Variants in ROR1 observed in about 807,000 individuals in gnomAD.
ROR1 encodes ROR family WNT receptor 1.
ROR1 carries 19 observed loss-of-function variants against 78.8 expected under a neutral mutation model. The observed-to-expected ratio is 0.24, with a 90% CI of 0.17 to 0.35. The LOEUF is 0.35. ROR1 is among the 10% of genes least tolerant of loss of function. The probability of loss-of-function intolerance (pLI) is 1.00; values close to 1 mark genes in which losing one functional copy is unlikely to be tolerated. For synonymous variants in ROR1, 386 were observed against 433.6 expected, an observed-to-expected ratio of 0.89 and a Z score of 1.36; for missense variants, 917 against 1,177.8, an observed-to-expected ratio of 0.78 and a Z score of 3.24.
In ROR1 at chr1:64,178,248, G is replaced by T; in HGVS notation, c.2207G>T (p.Arg736Ile). The T allele has an allele frequency of 6.2e-7, 1 of 1,614,096 alleles. No individual in the cohort carries two copies. The part of the protein sequence containing the change: ...TECWNEIPSR[R>I]PRFKDIHVRL... The stretch of plus-strand genomic sequence containing the variant: ...TGCTGGAATGAGATTCCTTCTAGGA[G>T]ACCAAGATTTAAAGATATTCACGTC... The change falls in exon 9 of 9, where the codon AGA becomes ATA. Residue 736 changes from arginine (R) to isoleucine (I), a missense_variant. This residue lies in a region of ROR1 where 835 missense variants were observed against 1,069.8 expected (regional missense o/e 0.78). Coordinates refer to ENST00000371079, the MANE Select transcript of ROR1 (RefSeq NM_005012.4). The surrounding 1 kb of genome is among the most constrained non-coding windows in gnomAD (Gnocchi z 4.3).
intron 4 of ROR1, among the ~76,000 whole-genome samples, chr1:64,092,919 C>A (rs1647214178): frequency 6.6e-6 from 1 of 152,174 alleles, no homozygotes; most frequent in African/African-American, 2.4e-5. Context: ...TGAATATCTT[C>A]TGTTTAGACT....
At chr1:64,159,941 A>G (rs891629130) in intron 8 of ROR1, among the ~76,000 whole-genome samples, 4 of 152,198 alleles carry the variant, frequency 2.6e-5, no homozygotes, top group African/African-American at 9.6e-5. Flanking sequence ...CCTGCACTGC[A>G]TCTTGGAACT....
intron 1 of ROR1, among the ~76,000 whole-genome samples, chr1:63,829,966 G>C (rs1191742496): frequency 6.6e-6 from 1 of 151,918 alleles, no homozygotes; most frequent in Non-Finnish European, 1.5e-5. Context: ...CATGAAATTA[G>C]CTTAAATTCT....
At chr1:63,837,847 G>C (rs745397106) in intron 1 of ROR1, among the ~76,000 whole-genome samples, 5 of 152,184 alleles carry the variant, frequency 3.3e-5, no homozygotes, top group Non-Finnish European at 7.3e-5. Context: ...GTATGTAATT[G>C]TGTATGAGCT....
intron 4 of ROR1, among the ~76,000 whole-genome samples, chr1:64,112,960 G>A (rs1557658295): frequency 6.6e-6 from 1 of 152,266 alleles, no homozygotes; most frequent in East Asian, 1.9e-4. Context: ...TTGCACAGTA[G>A]CCAGTACATA....
intron 1 of ROR1, among the ~76,000 whole-genome samples, chr1:63,880,236 A>G (rs924520664): frequency 2.6e-5 from 4 of 152,244 alleles, no homozygotes; most frequent in African/African-American, 7.2e-5. Flanking sequence ...AATGTTAGCT[A>G]TTAGTATTGC....
chr1:64,013,723 G>C (rs142242247), intron 2 of ROR1, among the ~76,000 whole-genome samples: 2 of 152,184 alleles, frequency 1.3e-5, no homozygotes. Flanking sequence ...CATCAACAGT[G>C]CTCCAAATTA....
At chr1:63,969,472 C>T (rs1331662014) in intron 1 of ROR1, among the ~76,000 whole-genome samples, 1 of 152,106 alleles carries the variant, frequency 6.6e-6, no homozygotes, top group African/African-American at 2.4e-5. Flanking sequence ...GGACTCATAG[C>T]ACTGGTAGTC....
chr1:64,042,192 G>A (rs1187791702), intron 2 of ROR1, among the ~76,000 whole-genome samples: 1 of 152,170 alleles, frequency 6.6e-6, no homozygotes, highest in East Asian at 1.9e-4. Context: ...ATCATTTGGA[G>A]AAGGGCTTTT....
intron 4 of ROR1, among the ~76,000 whole-genome samples, chr1:64,129,380 A>G (rs1648833183): frequency 6.6e-6 from 1 of 152,258 alleles, no homozygotes. Flanking sequence ...AAATCTGCCT[A>G]GATTGGTATG....
intron 1 of ROR1, among the ~76,000 whole-genome samples, chr1:63,873,381 C>G (rs1416364879): frequency 6.6e-6 from 1 of 152,080 alleles, no homozygotes; most frequent in Non-Finnish European, 1.5e-5. Context: ...TATCTCCCAC[C>G]CCACTCCTCC....
At chr1:64,101,298 G>A (rs1459558133) in intron 4 of ROR1, among the ~76,000 whole-genome samples, 3 of 152,104 alleles carry the variant, frequency 2.0e-5, no homozygotes, top group African/African-American at 7.2e-5. Flanking sequence ...GGGAGTCTCT[G>A]TTCACCATGG....
chr1:63,914,246 C>T (rs1338032002), intron 1 of ROR1, among the ~76,000 whole-genome samples: 1 of 152,222 alleles, frequency 6.6e-6, no homozygotes, highest in African/African-American at 2.4e-5. Flanking sequence ...AACAGGCTTT[C>T]TAGCTGTGAC....
intron 1 of ROR1, among the ~76,000 whole-genome samples, chr1:63,970,260 T>A (rs1315471259): frequency 6.6e-6 from 1 of 152,118 alleles, no homozygotes; most frequent in Admixed American, 6.6e-5. Flanking sequence ...CACTGCTTGG[T>A]CTCCTTGCTA....
At chr1:63,875,783 C>T (rs1054695503) in intron 1 of ROR1, among the ~76,000 whole-genome samples, 7 of 152,148 alleles carry the variant, frequency 4.6e-5, no homozygotes, top group African/African-American at 1.7e-4. Flanking sequence ...TTGATCACTT[C>T]TCTCCTCATT....
intron 4 of ROR1, among the ~76,000 whole-genome samples, chr1:64,086,070 C>T (rs1647150269): frequency 6.6e-6 from 1 of 152,214 alleles, no homozygotes; most frequent in Non-Finnish European, 1.5e-5. Context: ...CTCCTTTCCA[C>T]CTGTCCAAAT....
intron 2 of ROR1, among the ~76,000 whole-genome samples, chr1:64,025,397 G>A (rs1646599767): frequency 6.6e-6 from 1 of 152,128 alleles, no homozygotes; most frequent in African/African-American, 2.4e-5. Context: ...ACAGCATGGA[G>A]ATTCCTTAAA....
chr1:63,975,299 A>G (rs1646150709), intron 1 of ROR1, among the ~76,000 whole-genome samples: 2 of 152,208 alleles, frequency 1.3e-5, no homozygotes, highest in South Asian at 2.1e-4. Context: ...TTATAGTACT[A>G]TAGTTCGATG....
intron 4 of ROR1, among the ~76,000 whole-genome samples, chr1:64,068,347 TA>T (rs1248767156): frequency 6.6e-6 from 1 of 152,208 alleles, no homozygotes; most frequent in Non-Finnish European, 1.5e-5. Flanking sequence ...CATTTTTTTT[TA>T]CTTTGATTAT....
Sources: gnomAD v4.1 joint callset for allele counts (sites outside exome capture counted in the v4.1 genomes callset) on GRCh38, gnomAD v4.1.1 for gene constraint, gnomAD v4.1.1 regional missense constraint, Gnocchi (gnomAD v3.1) non-coding constraint, MANE v1.5 for transcripts, NCBI Gene and HGNC (gene_info 2026-07-23, HGNC 2026-07-21) for gene names.